Variants in LRRC4C observed in about 807,000 individuals in gnomAD.
The protein encoded by LRRC4C is leucine-rich repeat-containing protein 4C.
LRRC4C carries 5 observed loss-of-function variants against 33.6 expected under a neutral mutation model. The observed-to-expected ratio is 0.15, with a 90% confidence interval of 0.08 to 0.31. The LOEUF (loss-of-function observed/expected upper bound fraction) is 0.31. Ranked by LOEUF, LRRC4C falls within the 10% of genes least tolerant of loss-of-function variation. The probability of loss-of-function intolerance (pLI) is 1.00; values close to 1 mark genes in which losing one functional copy is unlikely to be tolerated. For synonymous variants in LRRC4C, 329 were observed against 302.0 expected (o/e 1.09, Z -0.93); for missense variants, 560 against 796.7 (o/e 0.70, Z 3.58).
Position 40,523,911 on chromosome 11 carries a change from A to T in LRRC4C, c.-270+124231T>A, listed in dbSNP as rs192632216. On this transcript the variant is annotated intron_variant, in intron 3 of 6. Transcript: ENST00000528697. ...TTAGGAATCAAAATCCCTGATAGTC[A>T]TGTTTTCCCTTCAGGTGACTCTAGA... Among the ~76,000 whole-genome samples the T allele has an allele frequency of 9.0e-4, 137 of 152,292 alleles. 2 individuals carry two copies. The Middle Eastern group carries it at 0.014, about 15-fold the overall frequency.
chr11:40,884,806 T>C (rs1955361765), intron 2 of LRRC4C, among the ~76,000 whole-genome samples: 1 of 151,096 alleles, frequency 6.6e-6, no homozygotes, highest in African/African-American at 2.4e-5. Context: ...CTGAATCTTT[T>C]ACTTAAAAAA....
intron 5 of LRRC4C, among the ~76,000 whole-genome samples, chr11:40,164,138 G>A (rs1206799957): frequency 6.6e-6 from 1 of 152,128 alleles, no homozygotes; most frequent in African/African-American, 2.4e-5. Context: ...CAGCAAAAAA[G>A]CTAGGACCTC....
Position 40,268,609 on chromosome 11 carries a change from A to G in LRRC4C, c.-175-27011T>C, listed in dbSNP as rs113191893. ...TTTAGGAAAACCCCATAATTTTCAGAGACTGGATTAGAATTTGTATAACAT... is the reference window on the plus strand; with the variant it reads ...TTTAGGAAAACCCCATAATTTTCAGGGACTGGATTAGAATTTGTATAACAT... On this transcript the variant is annotated intron_variant, in intron 4 of 6. Transcript: ENST00000528697. Among the ~76,000 whole-genome samples the G allele has an allele frequency of 5.9e-5, 9 of 152,284 alleles. 3 individuals are homozygous for G. Among genetic ancestry groups the G allele is most frequent in the African/African-American group, 2.2e-4 (9 of 41,566 alleles).
At chr11:40,590,246 AC>A (rs1171169557) in intron 3 of LRRC4C, among the ~76,000 whole-genome samples, 1 of 151,400 alleles carries the variant, frequency 6.6e-6, no homozygotes, top group Non-Finnish European at 1.5e-5. Context: ...CATTGCTGAT[AC>A]CCTTTCTTCC....
At chr11:41,399,369 G>T (rs147993509) in intron 1 of LRRC4C, among the ~76,000 whole-genome samples, 162 of 152,084 alleles carry the variant, frequency 1.1e-3, no homozygotes, top group African/African-American at 3.7e-3. Flanking sequence ...AGGAAAGAAG[G>T]TTTGCAAGGC....
intron 1 of LRRC4C, among the ~76,000 whole-genome samples, chr11:41,348,108 T>C (rs12277633): frequency 0.2 from 29,941 of 152,152 alleles, 3,254 homozygotes; most frequent in East Asian, 0.45. Flanking sequence ...CTCTTGAATT[T>C]CAAGCCTATG....
intron 1 of LRRC4C, among the ~76,000 whole-genome samples, chr11:41,047,599 A>C (rs530861894): frequency 6.6e-6 from 1 of 152,152 alleles, no homozygotes; most frequent in African/African-American, 2.4e-5. Context: ...TAAAAAATTT[A>C]AAAAAGATTA....
chr11:40,367,920 AAT>A (rs1948282710), intron 3 of LRRC4C, among the ~76,000 whole-genome samples: 1 of 151,904 alleles, frequency 6.6e-6, no homozygotes, highest in Middle Eastern at 3.4e-3. Flanking sequence ...TCTTTAGTAT[AAT>A]GTCCCATCTA....
intron 1 of LRRC4C, among the ~76,000 whole-genome samples, chr11:41,214,724 T>C (rs951113601): frequency 2.0e-5 from 3 of 148,144 alleles, no homozygotes; most frequent in African/African-American, 7.4e-5. Context: ...CACTCCAGCC[T>C]GGGCGACAGA....
chr11:40,642,220 A>ATT (rs1942168661), intron 3 of LRRC4C, among the ~76,000 whole-genome samples: 2 of 152,214 alleles, frequency 1.3e-5, no homozygotes, highest in African/African-American at 4.8e-5. Context: ...TGTGTAAAGA[A>ATT]TGATGTTTGT....
intron 1 of LRRC4C, among the ~76,000 whole-genome samples, chr11:41,250,923 T>TA (rs1235003717): frequency 6.6e-6 from 1 of 152,226 alleles, no homozygotes; most frequent in Non-Finnish European, 1.5e-5. Flanking sequence ...TCAGCAAATT[T>TA]TAAAAAATAT....
chr11:40,648,585 T>A (rs1942600227), intron 2 of LRRC4C, among the ~76,000 whole-genome samples: 4 of 152,224 alleles, frequency 2.6e-5, no homozygotes, highest in Admixed American at 2.6e-4. Context: ...TAAAATTTGC[T>A]TGTTACTTCA....
intron 1 of LRRC4C, among the ~76,000 whole-genome samples, chr11:41,243,309 TAACTA>T (rs1407554482): frequency 6.6e-6 from 1 of 152,234 alleles, no homozygotes; most frequent in African/African-American, 2.4e-5. Context: ...TTATCTTGTT[TAACTA>T]AAAGATAAAG....
At chr11:41,316,268 A>AAC (rs1392094326) in intron 1 of LRRC4C, among the ~76,000 whole-genome samples, 3 of 149,938 alleles carry the variant, frequency 2.0e-5, no homozygotes, top group East Asian at 3.9e-4. Context: ...ATGGCAAAAA[A>AAC]AAAAAAAAAA....
At chr11:41,075,014 C>CTTT (rs869112602) in intron 1 of LRRC4C, among the ~76,000 whole-genome samples, 2 of 101,014 alleles carry the variant, frequency 2.0e-5, no homozygotes, top group Admixed American at 9.6e-5. Flanking sequence ...CTTCAATTTT[C>CTTT]TTTTTTTTTT....
Position 40,377,728 on chromosome 11 carries a change from T to A in LRRC4C, c.-269-58007A>T, listed in dbSNP as rs1251147452. Among the ~76,000 whole-genome samples the A allele has an allele frequency of 7.9e-5, 12 of 152,118 alleles. No homozygotes were observed. In the South Asian group the frequency reaches 2.1e-3, roughly 26 times the overall value. On this transcript the variant is annotated intron_variant, in intron 3 of 6. Transcript: ENST00000528697. Reference sequence around the variant, plus strand: ...GAGAAATTATAAAATAATCCAGAAGTTTTTTGAGAGGAAAGAAAACAAAAG... The same window carrying A: ...GAGAAATTATAAAATAATCCAGAAGATTTTTGAGAGGAAAGAAAACAAAAG...
At chr11:40,789,857 C>T (rs138774535) in intron 2 of LRRC4C, among the ~76,000 whole-genome samples, 3 of 152,264 alleles carry the variant, frequency 2.0e-5, no homozygotes, top group African/African-American at 7.2e-5. Context: ...AATAGAGTCA[C>T]ACACACGAGG....
At chr11:40,177,358 T>C (rs565621302) in intron 5 of LRRC4C, among the ~76,000 whole-genome samples, 31 of 152,322 alleles carry the variant, frequency 2.0e-4, no homozygotes, top group Non-Finnish European at 1.3e-4. Flanking sequence ...GGTAAAAGCA[T>C]GAATACATCT....
intron 1 of LRRC4C, among the ~76,000 whole-genome samples, chr11:41,069,251 G>A (rs1263455957): frequency 1.3e-5 from 2 of 152,082 alleles, no homozygotes; most frequent in Non-Finnish European, 2.9e-5. Flanking sequence ...AATAAACTAG[G>A]TATTGATGGA....
Sources: allele counts gnomAD v4.1 joint callset (sites outside exome capture counted in the v4.1 genomes callset), GRCh38; gene constraint gnomAD v4.1.1; transcripts MANE v1.5; gene names NCBI Gene and HGNC (gene_info 2026-07-23, HGNC 2026-07-21).